Variants in GLT1D1 observed in about 807,000 individuals in gnomAD.
GLT1D1 encodes the protein glycosyltransferase 1 domain-containing protein 1.
In GLT1D1, 21 loss-of-function variants were observed where a neutral mutation model predicts 28.7. The observed-to-expected ratio is 0.73, with a 90% CI of 0.52 to 1.05. The LOEUF (loss-of-function observed/expected upper bound fraction) is 1.05, where lower values mean the gene tolerates loss of function less well. Among genes scored for constraint, GLT1D1 ranks in the 50% least tolerant of loss-of-function variants. The probability of loss-of-function intolerance (pLI) is 0.00; values close to 1 mark genes in which losing one functional copy is unlikely to be tolerated. For missense variants in GLT1D1, 343 were observed against 330.6 expected, an observed-to-expected ratio of 1.04 and a Z score of -0.29; for synonymous variants, 147 against 124.8, an observed-to-expected ratio of 1.18 and a Z score of -1.19.
intron 4 of GLT1D1, among the ~76,000 whole-genome samples, chr12:128,916,689 G>A (rs1373383126): frequency 6.6e-6 from 1 of 152,168 alleles, no homozygotes; most frequent in Non-Finnish European, 1.5e-5. Context: ...TTGTGTGTGT[G>A]TGTCTTCTAA....
intron 7 of GLT1D1, among the ~76,000 whole-genome samples, chr12:128,960,673 C>G (rs1877842260): frequency 6.6e-6 from 1 of 151,956 alleles, no homozygotes; most frequent in South Asian, 2.1e-4. Context: ...AGGAGAATCA[C>G]TTGAACCTAG....
intron 2 of GLT1D1, 76 bp downstream of exon 2, chr12:128,876,138 G>T (rs1035798996): frequency 5.5e-6 from 7 of 1,275,484 alleles, no homozygotes; most frequent in South Asian, 1.4e-5. Flanking sequence ...CCAATAACAC[G>T]GGAAACAGTG....
intron 7 of GLT1D1, among the ~76,000 whole-genome samples, chr12:128,982,608 CTTGTTGA>C (rs1880428745): frequency 6.6e-6 from 1 of 152,020 alleles, no homozygotes; most frequent in Non-Finnish European, 1.5e-5. Flanking sequence ...GACAGCTGGT[CTTGTTGA>C]TTGAGGGAAG....
intron 7 of GLT1D1, among the ~76,000 whole-genome samples, chr12:128,981,712 G>T (rs759306453): frequency 6.6e-6 from 1 of 152,204 alleles, no homozygotes; most frequent in African/African-American, 2.4e-5. Context: ...CATGGGCTGT[G>T]GGGGAATAAC....
intron 4 of GLT1D1, among the ~76,000 whole-genome samples, chr12:128,944,089 A>G (rs1318805749): frequency 1.3e-5 from 2 of 152,224 alleles, no homozygotes; most frequent in Non-Finnish European, 2.9e-5. Context: ...TCAAAGGATG[A>G]ATCTTAGTAT....
chr12:128,888,344 G>A (rs1378405487), intron 2 of GLT1D1, among the ~76,000 whole-genome samples: 1 of 152,128 alleles, frequency 6.6e-6, no homozygotes, highest in Non-Finnish European at 1.5e-5. Flanking sequence ...GATAAGCTTG[G>A]CTTTGATTGA....
chr12:128,890,856 G>A (rs1432728245), intron 3 of GLT1D1, among the ~76,000 whole-genome samples: 9 of 152,096 alleles, frequency 5.9e-5, no homozygotes, highest in African/African-American at 1.4e-4. Flanking sequence ...AAAATTAGCC[G>A]GACATGGTGG....
intron 4 of GLT1D1, among the ~76,000 whole-genome samples, chr12:128,932,391 G>T (rs891931267): frequency 2.6e-5 from 4 of 152,216 alleles, no homozygotes; most frequent in African/African-American, 9.6e-5. Flanking sequence ...GGGTGGAGCA[G>T]AGAACACAAA....
chr12:128,939,939 C>A (rs1429900553), intron 4 of GLT1D1, among the ~76,000 whole-genome samples: 1 of 149,034 alleles, frequency 6.7e-6, no homozygotes. Context: ...AGATCCAAAC[C>A]ATATCAGACC....
chr12:128,894,357 T>C (rs1232827895), intron 3 of GLT1D1, among the ~76,000 whole-genome samples: 1 of 151,996 alleles, frequency 6.6e-6, no homozygotes, highest in Non-Finnish European at 1.5e-5. Context: ...GAATCTGCCA[T>C]TTTTGGGTCC....
intron 4 of GLT1D1, among the ~76,000 whole-genome samples, chr12:128,940,906 AT>A (rs897023526): frequency 2.0e-5 from 3 of 151,960 alleles, no homozygotes; most frequent in Non-Finnish European, 2.9e-5. Flanking sequence ...ATTCCTGAAT[AT>A]TTTTTCTCTC....
At chr12:128,945,747 G>A (rs1430814055) in intron 5 of GLT1D1, among the ~76,000 whole-genome samples, 1 of 152,164 alleles carries the variant, frequency 6.6e-6, no homozygotes, top group African/African-American at 2.4e-5. Flanking sequence ...TGAACAGATT[G>A]AACTTTCATT....
In GLT1D1 at chr12:128,965,732, A is replaced by AGAAAG. The variant is rs1555220851; in HGVS notation, c.639+8089_639+8090insGAAAG. On this transcript the variant is annotated intron_variant, in intron 7 of 7. Coordinates refer to ENST00000281703, the MANE Select transcript of GLT1D1 (RefSeq NM_144669.3). ...GCTTAAAAAAAAAAAAAAAAAAAAA[A>AGAAAG]AAAGAAAAAGTAAAAAGCCAGATGT... Among the ~76,000 whole-genome samples, 929 of 104,588 alleles carry AGAAAG rather than the reference A, an allele frequency of 8.9e-3. 23 individuals are homozygous for AGAAAG. Among genetic ancestry groups the AGAAAG allele is most frequent in the African/African-American group, 0.033 (873 of 26,740 alleles). 68.6% of individuals were successfully genotyped at this position (104,588 alleles called of 152,430 possible). A position where few individuals can be genotyped will look rare whatever the true frequency, so the allele number is the denominator to read the frequency against.
At chr12:128,881,563 T>A (rs688962) in intron 2 of GLT1D1, among the ~76,000 whole-genome samples, 3,655 of 22,994 alleles carry the variant, frequency 0.16, 160 homozygotes, top group Non-Finnish European at 0.17. Context: ...AAAAAAAAAA[T>A]ATATATATAT....
At chr12:128,857,643 A>G (rs1016077945) in intron 1 of GLT1D1, among the ~76,000 whole-genome samples, 1 of 152,166 alleles carries the variant, frequency 6.6e-6, no homozygotes, top group African/African-American at 2.4e-5. Flanking sequence ...GTTCTCCTCC[A>G]AAATCTCTGC....
chr12:128,941,373 T>G (rs529627943), intron 4 of GLT1D1, among the ~76,000 whole-genome samples: 14 of 152,074 alleles, frequency 9.2e-5, no homozygotes, highest in African/African-American at 3.4e-4. Context: ...TCCTTCTGCA[T>G]CATTTAAGCA....
intron 4 of GLT1D1, among the ~76,000 whole-genome samples, chr12:128,923,406 C>T (rs766358754): frequency 9.2e-5 from 14 of 152,094 alleles, no homozygotes; most frequent in Non-Finnish European, 1.6e-4. Flanking sequence ...ACCACCTGCT[C>T]CCATTTGTTC....
chr12:128,919,401 A>G (rs1872426029), intron 4 of GLT1D1, among the ~76,000 whole-genome samples: 1 of 152,236 alleles, frequency 6.6e-6, no homozygotes, highest in African/African-American at 2.4e-5. Flanking sequence ...GTGATTGATT[A>G]GTCACCAGGG....
In GLT1D1 at chr12:128,935,437, A is replaced by C. The variant is rs571177706; in HGVS notation, c.376-9889A>C. Among the ~76,000 whole-genome samples, 949 of 151,640 alleles carry C rather than the reference A, an allele frequency of 6.3e-3. 10 individuals are homozygous for C. Among genetic ancestry groups the C allele is most frequent in the African/African-American group, 0.022 (911 of 41,308 alleles). ...ATGCCTGTAATCCCAGCTACTCAGG[A>C]GGCTGAGGCAAGGAAATCGCTTGAA... On this transcript the variant is annotated intron_variant, in intron 4 of 7. Coordinates refer to ENST00000281703, the MANE Select transcript of GLT1D1 (RefSeq NM_144669.3).
Sources: allele counts gnomAD v4.1 joint callset (sites outside exome capture counted in the v4.1 genomes callset), GRCh38; gene constraint gnomAD v4.1.1; transcripts MANE v1.5; gene names NCBI Gene and HGNC (gene_info 2026-07-23, HGNC 2026-07-21).